Variants in DGKI observed in about 807,000 individuals in gnomAD.
DGKI encodes DAG kinase iota.
A neutral mutation model predicts 147.5 loss-of-function variants in DGKI; 55 were observed. The ratio of observed to expected loss-of-function variants is 0.37; its 90% CI spans 0.30 to 0.47. The LOEUF (loss-of-function observed/expected upper bound fraction) is 0.47, where lower values mean the gene tolerates loss of function less well. Among genes scored for constraint, DGKI ranks in the 20% least tolerant of loss-of-function variants. The probability of loss-of-function intolerance (pLI) is 1.00; values close to 1 mark genes in which losing one functional copy is unlikely to be tolerated. For missense variants in DGKI, 1,007 were observed against 1,323.8 expected (o/e 0.76, Z 3.71); for synonymous variants, 469 against 477.1 (o/e 0.98, Z 0.22).
chr7:137,690,789 T>C (rs889643949), intron 1 of DGKI, among the ~76,000 whole-genome samples: 12 of 152,050 alleles, frequency 7.9e-5, no homozygotes, highest in African/African-American at 2.9e-4. Context: ...AATATGATCA[T>C]TGCTGAGCAA....
chr7:137,576,124 T>C (rs1818965373), intron 17 of DGKI, among the ~76,000 whole-genome samples: 3 of 150,540 alleles, frequency 2.0e-5, no homozygotes, highest in Admixed American at 1.3e-4. Flanking sequence ...CTGCAACCTC[T>C]GCCTCCCAGG....
At chr7:137,567,511 A>G (rs1190414647) in intron 19 of DGKI, among the ~76,000 whole-genome samples, 1 of 152,226 alleles carries the variant, frequency 6.6e-6, no homozygotes, top group African/African-American at 2.4e-5. Flanking sequence ...TAAATGCCTC[A>G]GGGATCCTAT....
intron 1 of DGKI, among the ~76,000 whole-genome samples, chr7:137,731,496 C>T (rs961726035): frequency 2.0e-5 from 3 of 152,022 alleles, no homozygotes; most frequent in African/African-American, 4.8e-5. Context: ...ACGGCATCAT[C>T]GTCATCTTCT....
At chr7:137,631,835 T>C (rs778637734) in intron 6 of DGKI, among the ~76,000 whole-genome samples, 7 of 152,152 alleles carry the variant, frequency 4.6e-5, no homozygotes, top group Non-Finnish European at 8.8e-5. Context: ...AAAGCTGCTA[T>C]ATTAGGTACA....
At chr7:137,432,900 G>A (rs6949081) in intron 28 of DGKI, among the ~76,000 whole-genome samples, 51,576 of 152,018 alleles carry the variant, frequency 0.34, 9,737 homozygotes, top group East Asian at 0.65. Flanking sequence ...GCTCTGATGA[G>A]GGAAGTTGTA....
chr7:137,701,108 A>G (rs991013445), intron 1 of DGKI, among the ~76,000 whole-genome samples: 2 of 151,888 alleles, frequency 1.3e-5, no homozygotes, highest in African/African-American at 4.8e-5. Flanking sequence ...CAACTAACTC[A>G]TCATTAACTA....
chr7:137,398,442 C>T (rs1811632883), intron 30 of DGKI, among the ~76,000 whole-genome samples: 1 of 152,006 alleles, frequency 6.6e-6, no homozygotes, highest in African/African-American at 2.4e-5. Context: ...GATGCTTAAA[C>T]ATTTGATTGA....
chr7:137,680,066 T>C (rs7458662), intron 2 of DGKI, among the ~76,000 whole-genome samples: 8,060 of 151,736 alleles, frequency 0.053, 691 homozygotes, highest in African/African-American at 0.18. Flanking sequence ...AGATGAGACT[T>C]TGGGAAGTAA....
chr7:137,556,326 C>T (rs181101898), intron 19 of DGKI, among the ~76,000 whole-genome samples: 6 of 150,312 alleles, frequency 4.0e-5, no homozygotes, highest in Admixed American at 2.0e-4. Flanking sequence ...CCATCAGCAA[C>T]GAAAGTTTTC....
chr7:137,584,172 G>T (rs1349984122), intron 14 of DGKI, among the ~76,000 whole-genome samples: 1 of 152,086 alleles, frequency 6.6e-6, no homozygotes. Context: ...CTATAATTGG[G>T]ATACCATTTA....
At chr7:137,396,476 C>T (rs1294600143) in intron 31 of DGKI, among the ~76,000 whole-genome samples, 3 of 152,154 alleles carry the variant, frequency 2.0e-5, no homozygotes, top group African/African-American at 7.2e-5. Context: ...CAAAGTGTTT[C>T]AGGAAAAATC....
At chr7:137,416,695 T>C (rs1312306411) in intron 28 of DGKI, among the ~76,000 whole-genome samples, 2 of 152,202 alleles carry the variant, frequency 1.3e-5, no homozygotes, top group Non-Finnish European at 2.9e-5. Context: ...GTTAAGTTCC[T>C]ACTCTTCGCT....
chr7:137,670,042 T>C (rs1197241204), intron 3 of DGKI, among the ~76,000 whole-genome samples: 1 of 152,258 alleles, frequency 6.6e-6, no homozygotes, highest in East Asian at 1.9e-4. Context: ...GCATACCTTA[T>C]ATGCTTCGTT....
At chr7:137,508,250 CG>C (rs1816441143) in intron 21 of DGKI, among the ~76,000 whole-genome samples, 2 of 100,510 alleles carry the variant, frequency 2.0e-5, no homozygotes, top group Admixed American at 3.0e-4. Flanking sequence ...TTTTTTGAGA[CG>C]GAGTCTCACT....
At chr7:137,605,331 A>AAAAT (rs1389844285) in intron 10 of DGKI, among the ~76,000 whole-genome samples, 2 of 135,204 alleles carry the variant, frequency 1.5e-5, no homozygotes, top group Non-Finnish European at 3.0e-5. Flanking sequence ...AAAATAAAAT[A>AAAAT]AAATAAAATA....
intron 12 of DGKI, among the ~76,000 whole-genome samples, chr7:137,588,785 G>A (rs1482211312): frequency 1.3e-5 from 2 of 152,060 alleles, no homozygotes; most frequent in African/African-American, 4.8e-5. Flanking sequence ...CCATACCGAT[G>A]CCTTTCTATG....
At position 137,395,675 on chromosome 7, in the gene DGKI, C is replaced by A; in HGVS notation, c.2980G>T (p.Ala994Ser). 3 of 1,614,100 alleles carry A rather than the reference C, an allele frequency of 1.9e-6. No individual in the cohort carries two copies. Among genetic ancestry groups the A allele is most frequent in the Non-Finnish European group, 2.5e-6 (3 of 1,179,968 alleles). Residue 994 changes from alanine (A) to serine (S), a missense_variant, in exon 32 of 33, where the codon GCT (alanine) becomes TCT (serine). Ala to Ser is a moderately conservative substitution (Grantham distance 99). Coordinates refer to ENST00000614521, the MANE Select transcript of DGKI (RefSeq NM_001321708.2). The part of the protein sequence containing the change: ...SETGETALHK[A>S]ACQRNRAVCQ... ...ACAGCCCGGTTCCGCTGGCAGGCAGCCTTGTGCAGTGCAGTCTCACCCCTA... is the reference window on the plus strand; with the variant it reads ...ACAGCCCGGTTCCGCTGGCAGGCAGACTTGTGCAGTGCAGTCTCACCCCTA...
chr7:137,432,387 G>A (rs1373170330), intron 28 of DGKI, among the ~76,000 whole-genome samples: 1 of 152,080 alleles, frequency 6.6e-6, no homozygotes, highest in Admixed American at 6.5e-5. Context: ...TGAGACATAT[G>A]AGGTCTATTT....
intron 21 of DGKI, among the ~76,000 whole-genome samples, chr7:137,517,369 G>A (rs1816814336): frequency 7.5e-6 from 1 of 134,218 alleles, no homozygotes; most frequent in East Asian, 2.5e-4. Flanking sequence ...AAGAAAGAGG[G>A]AGAGAGAGAG....
Sources: gnomAD v4.1 joint callset for allele counts (sites outside exome capture counted in the v4.1 genomes callset) on GRCh38, gnomAD v4.1.1 for gene constraint, MANE v1.5 for transcripts, NCBI Gene and HGNC (gene_info 2026-07-23, HGNC 2026-07-21) for gene names.